Variants in ATPAF1 observed in about 807,000 individuals in gnomAD.
ATPAF1 encodes the protein ATP synthase mitochondrial F1 complex assembly factor 1, also known as homolog of yeast ATP11.
Under a neutral mutation model 43.9 loss-of-function variants are expected in ATPAF1, and 26 were observed. The observed-to-expected ratio is 0.59, with a 90% CI of 0.43 to 0.82. The LOEUF (loss-of-function observed/expected upper bound fraction) is 0.82, where lower values mean the gene tolerates loss of function less well. Ranked by LOEUF, ATPAF1 falls within the 40% of genes least tolerant of loss-of-function variation. The pLI, the probability that ATPAF1 is intolerant of heterozygous loss-of-function variation, is 0.00. For synonymous variants in ATPAF1, 157 were observed against 168.0 expected (o/e 0.93, Z 0.50); for missense variants, 366 against 435.0 (o/e 0.84, Z 1.41).
rs1464133426 is a variant in ATPAF1 at position 46,668,324 on chromosome 1, G to A, written c.-2C>T. On this transcript the variant is annotated 5_prime_UTR_variant, in exon 1 of 9. Transcript: ENST00000574428. The surrounding 1 kb of genome is among the most constrained non-coding windows in gnomAD (Gnocchi z 4.4). ...AGCCGCCACCACCACAGCAGCCATG[G>A]CCGCCCCCGCCTCCTCCTCCTCCTC... 4.4e-6 allele frequency: 6 copies of A among 1,361,040 alleles called. No individual in the cohort carries two copies. The highest frequency in any genetic ancestry group is 5.6e-5 in the Admixed American group (2 of 35,894). 84.3% of individuals were successfully genotyped at this position (1,361,040 alleles called of 1,614,324 possible). A position where few individuals can be genotyped will look rare whatever the true frequency, so the allele number is the denominator to read the frequency against.
chr1:46,648,054 A>C (rs1175601311), intron 6 of ATPAF1, among the ~76,000 whole-genome samples: 1 of 152,212 alleles, frequency 6.6e-6, no homozygotes, highest in Non-Finnish European at 1.5e-5. Context: ...GTTGCTATGA[A>C]TGTAGAAGCT....
intron 4 of ATPAF1, among the ~76,000 whole-genome samples, chr1:46,654,515 AT>A (rs1401090805): frequency 1.8e-5 from 2 of 111,856 alleles, no homozygotes; most frequent in Non-Finnish European, 3.2e-5. Flanking sequence ...AGACTGGGCA[AT>A]TTATTTATTT....
rs1229001152 is a variant in ATPAF1 at position 46,653,137 on chromosome 1, A to G, written c.541-509T>C. 1.3e-5 allele frequency among the ~76,000 whole-genome samples: 2 copies of G among 152,118 alleles called. No individual in the cohort carries two copies. Among genetic ancestry groups the G allele is most frequent in the Non-Finnish European group, 2.9e-5 (2 of 68,026 alleles). ...TCTTACACTTACTCATGTAATCTCA[A>G]TATATATTTGTGTGCTTGATAGAAA... is the stretch of plus-strand genomic sequence containing the variant. On this transcript the variant is annotated intron_variant, in intron 5 of 8. Coordinates refer to ENST00000574428, the Ensembl canonical transcript of ATPAF1. The surrounding 1 kb of genome is among the most constrained non-coding windows in gnomAD (Gnocchi z 4.8).
At chr1:46,634,041 T>C, downstream of ATPAF1, 1 of 353,402 alleles carries the variant, frequency 2.8e-6, no homozygotes, top group Non-Finnish European at 5.5e-6. Context: ...AGAGAAATAG[T>C]GAAAGGATAG....
intron 8 of ATPAF1, among the ~76,000 whole-genome samples, 164 bp downstream of exon 8, chr1:46,643,030 A>C (rs544947013): frequency 6.6e-6 from 1 of 152,340 alleles, no homozygotes; most frequent in South Asian, 2.1e-4. Context: ...CTAACTTCAA[A>C]TTGGAAGATC....
At chr1:46,663,500 T>C (rs543193479) in intron 2 of ATPAF1, among the ~76,000 whole-genome samples, 23 of 152,358 alleles carry the variant, frequency 1.5e-4, no homozygotes, top group African/African-American at 4.3e-4. Context: ...TGGTATCTCA[T>C]TGTGGTTTTG....
chr1:46,664,867 AC>A, intron 2 of ATPAF1: 1 of 179,884 alleles, frequency 5.6e-6, no homozygotes, highest in Non-Finnish European at 1.2e-5. Flanking sequence ...AAATTTGATG[AC>A]CCCTGCTCTA....
downstream of ATPAF1, chr1:46,633,642 C>T (rs775302052): frequency 2.8e-5 from 12 of 428,836 alleles, no homozygotes; most frequent in African/African-American, 2.1e-4. Context: ...AGAACAGCTA[C>T]GTGGTACTTT....
In ATPAF1 at chr1:46,663,904, A is replaced by G. The variant is rs1014870047; in HGVS notation, c.375+1352T>C. 6.2e-6 allele frequency: 8 copies of G among 1,284,496 alleles called. No homozygotes were observed. The African/African-American group carries it at 1.2e-4, about 20-fold the overall frequency. The allele number at this position is 1,284,496 out of a possible 1,614,324, so 79.6% of individuals were successfully genotyped here. A position where few individuals can be genotyped will look rare whatever the true frequency, so the allele number is the denominator to read the frequency against. ...CCCTGGCGCTGGCCTCTCCTACACC[A>G]GTTTGTTCTGTGCACCATCCTAGGT... On this transcript the variant is annotated intron_variant, in intron 2 of 8. Coordinates refer to ENST00000574428, the Ensembl canonical transcript of ATPAF1.
chr1:46,642,903 TTA>T (rs1450558741), intron 8 of ATPAF1, among the ~76,000 whole-genome samples: 1 of 152,186 alleles, frequency 6.6e-6, no homozygotes, highest in Non-Finnish European at 1.5e-5. Flanking sequence ...GTTTAAAGAT[TTA>T]GTTACCAAAT....
At position 46,661,866 on chromosome 1, in the gene ATPAF1, T is replaced by G. The variant is rs183152871; in HGVS notation, c.376-3129A>C. On this transcript the variant is annotated intron_variant, in intron 2 of 8. Transcript: ENST00000574428. The stretch of plus-strand genomic sequence containing the variant: ...CAATTTAAATTAAATCTTTACATAT[T>G]CTACATTTTATCATAAAGCTAAATT... 1.6e-3 allele frequency among the ~76,000 whole-genome samples: 243 copies of G among 152,138 alleles called. 1 individual carries two copies. The highest frequency in any genetic ancestry group is 5.5e-3 in the African/African-American group (227 of 41,548).
At chr1:46,655,927 C>T (rs1012133978) in intron 4 of ATPAF1, among the ~76,000 whole-genome samples, 3 of 152,190 alleles carry the variant, frequency 2.0e-5, no homozygotes, top group African/African-American at 4.8e-5. Context: ...AGATCATTTG[C>T]ATATGGATCT....
chr1:46,661,455 A>C (rs1365335611), intron 2 of ATPAF1, among the ~76,000 whole-genome samples: 1 of 152,188 alleles, frequency 6.6e-6, no homozygotes, highest in East Asian at 1.9e-4. Context: ...AGGTTATTTC[A>C]GAAATGGGTG....
At chr1:46,644,508 C>T (rs1227981989) in intron 7 of ATPAF1, among the ~76,000 whole-genome samples, 4 of 152,100 alleles carry the variant, frequency 2.6e-5, no homozygotes, top group Non-Finnish European at 5.9e-5. Flanking sequence ...AAAAGCTGTT[C>T]CTTCATTCTA....
At chr1:46,665,673 C>T (rs1237568793) in intron 1 of ATPAF1, 1 of 1,535,464 alleles carries the variant, frequency 6.5e-7, no homozygotes, top group Non-Finnish European at 8.7e-7. Context: ...ATTTTGAGGT[C>T]ATCTTGCTGG....
chr1:46,654,012 C>A, intron 4 of ATPAF1, 145 bp from the exon 5 acceptor site: 4 of 609,628 alleles, frequency 6.6e-6, no homozygotes, highest in Admixed American at 3.3e-5. Context: ...TCATTACTAG[C>A]ACATCACAAA....
At chr1:46,642,108 T>C (rs992061005) in intron 8 of ATPAF1, among the ~76,000 whole-genome samples, 1 of 152,218 alleles carries the variant, frequency 6.6e-6, no homozygotes, top group Non-Finnish European at 1.5e-5. Flanking sequence ...GGCAATTCCA[T>C]ATTCTTGGAT....
intron 6 of ATPAF1, among the ~76,000 whole-genome samples, chr1:46,651,160 C>A (rs1178073298): frequency 6.6e-6 from 1 of 151,986 alleles, no homozygotes; most frequent in Non-Finnish European, 1.5e-5. Context: ...TCCCCCCACC[C>A]CACAACAGTC....
intron 8 of ATPAF1, among the ~76,000 whole-genome samples, chr1:46,639,988 A>G (rs1675920760): frequency 6.6e-6 from 1 of 152,218 alleles, no homozygotes; most frequent in South Asian, 2.1e-4. Context: ...GCTTTGCCGA[A>G]GACCAGAAAA....
Sources: gnomAD v4.1 joint callset for allele counts (sites outside exome capture counted in the v4.1 genomes callset) on GRCh38, gnomAD v4.1.1 for gene constraint, Gnocchi (gnomAD v3.1) non-coding constraint, MANE v1.5 for transcripts, NCBI Gene and HGNC (gene_info 2026-07-23, HGNC 2026-07-21) for gene names.